IL1RAPL1: variants seen among roughly 807,000 people sequenced by gnomAD.
IL1RAPL1 encodes the protein interleukin 1 receptor accessory protein like 1, also known as interleukin-1 receptor accessory protein-like 1.
A neutral mutation model predicts 48.4 loss-of-function variants in IL1RAPL1; 3 were observed. The observed-to-expected ratio is 0.06, with a 90% CI of 0.03 to 0.16. IL1RAPL1 has a LOEUF of 0.16. IL1RAPL1 is among the 10% of genes least tolerant of loss of function. The pLI is 1.00. For synonymous variants in IL1RAPL1, 185 were observed against 187.7 expected (o/e 0.99, Z 0.12); for missense variants, 349 against 530.6 (o/e 0.66, Z 3.36).
chrX:29,720,189 G>T (rs1927599947), intron 6 of IL1RAPL1, among the ~76,000 whole-genome samples: 1 of 111,751 alleles, frequency 8.9e-6, no homozygotes, highest in Non-Finnish European at 1.9e-5. Flanking sequence ...GTGGAAGACA[G>T]TGTGGCGATT....
chrX:29,299,884 G>A, intron 3 of IL1RAPL1, among the ~76,000 whole-genome samples: 1 of 112,135 alleles, frequency 8.9e-6, no homozygotes, highest in Non-Finnish European at 1.9e-5. Context: ...AGTAATGCGG[G>A]TGTGTCCTTC....
intron 6 of IL1RAPL1, among the ~76,000 whole-genome samples, chrX:29,708,672 A>G (rs1196935659): frequency 8.9e-6 from 1 of 112,383 alleles, no homozygotes; most frequent in Non-Finnish European, 1.9e-5. Flanking sequence ...TAATGCTGAA[A>G]TAAACATGGG....
intron 6 of IL1RAPL1, among the ~76,000 whole-genome samples, chrX:29,679,079 A>G (rs1191019376): frequency 7.2e-5 from 8 of 111,445 alleles, no homozygotes; most frequent in Non-Finnish European, 1.3e-4. Flanking sequence ...AGTAGGAAAA[A>G]AGCAAAGCAG....
intron 6 of IL1RAPL1, among the ~76,000 whole-genome samples, chrX:29,723,952 T>C (rs1927709908): frequency 9.1e-6 from 1 of 110,452 alleles, no homozygotes; most frequent in South Asian, 4.0e-4. Flanking sequence ...GTAGCTGGGA[T>C]TACAGATGTG....
chrX:28,712,383 C>T, intron 1 of IL1RAPL1, among the ~76,000 whole-genome samples: 1 of 110,165 alleles, frequency 9.1e-6, no homozygotes, highest in East Asian at 2.8e-4. Flanking sequence ...TCTCACTCCA[C>T]CCAATTCCCC....
intron 6 of IL1RAPL1, among the ~76,000 whole-genome samples, chrX:29,885,932 G>C (rs756944692): frequency 8.9e-6 from 1 of 112,201 alleles, no homozygotes; most frequent in East Asian, 2.8e-4. Flanking sequence ...ATTTGAAGGA[G>C]ATTTTTTACA....
chrX:29,293,393 A>G (rs919047353), intron 3 of IL1RAPL1, among the ~76,000 whole-genome samples: 31 of 110,345 alleles, frequency 2.8e-4, no homozygotes, highest in African/African-American at 1.0e-3. Context: ...ACCAAGTCCT[A>G]TAGGAGAGAC....
At chrX:28,991,797 A>T (rs1346546356) in intron 2 of IL1RAPL1, among the ~76,000 whole-genome samples, 1 of 112,538 alleles carries the variant, frequency 8.9e-6, no homozygotes, top group Non-Finnish European at 1.9e-5. Flanking sequence ...TATTATATGG[A>T]TGCATACCAT....
intron 1 of IL1RAPL1, among the ~76,000 whole-genome samples, chrX:28,723,380 T>C (rs1935617686): frequency 8.9e-6 from 1 of 111,785 alleles, no homozygotes; most frequent in Non-Finnish European, 1.9e-5. Flanking sequence ...CTTATTTGCA[T>C]AGAGGTGTTT....
intron 2 of IL1RAPL1, among the ~76,000 whole-genome samples, chrX:28,857,122 C>G (rs936762355): frequency 1.8e-5 from 2 of 112,144 alleles, no homozygotes; most frequent in African/African-American, 6.5e-5. Flanking sequence ...CATTCCCTTA[C>G]GCCAAAGCCT....
At chrX:28,651,132 G>A (rs1333953250) in intron 1 of IL1RAPL1, among the ~76,000 whole-genome samples, 1 of 111,899 alleles carries the variant, frequency 8.9e-6, no homozygotes, top group Non-Finnish European at 1.9e-5. Flanking sequence ...GAAACATAAA[G>A]GAATTTCTTC....
intron 1 of IL1RAPL1, among the ~76,000 whole-genome samples, chrX:28,746,351 G>T (rs1935978011): frequency 9.0e-6 from 1 of 111,720 alleles, no homozygotes; most frequent in African/African-American, 3.3e-5. Flanking sequence ...TAACCAGTGG[G>T]TAGTAAACTT....
intron 2 of IL1RAPL1, among the ~76,000 whole-genome samples, chrX:29,251,852 G>A (rs1460494046): frequency 1.8e-5 from 2 of 111,031 alleles, no homozygotes; most frequent in Middle Eastern, 4.2e-3. Flanking sequence ...ACATGTATAC[G>A]ATATTGTGGT....
chrX:28,926,461 C>A (rs1187683886), intron 2 of IL1RAPL1, among the ~76,000 whole-genome samples: 1 of 109,475 alleles, frequency 9.1e-6, no homozygotes, highest in Non-Finnish European at 1.9e-5. Flanking sequence ...TGATATGGCA[C>A]TGTACATTCC....
chrX:29,509,687 G>GCA (rs34490752), intron 5 of IL1RAPL1, among the ~76,000 whole-genome samples: 308 of 109,505 alleles, frequency 2.8e-3, no homozygotes, highest in Non-Finnish European at 5.3e-3. Flanking sequence ...GCGCCCACAC[G>GCA]CACACACACA....
At chrX:29,468,823 A>C (rs1257869199) in intron 5 of IL1RAPL1, among the ~76,000 whole-genome samples, 1 of 111,755 alleles carries the variant, frequency 8.9e-6, no homozygotes, top group African/African-American at 3.3e-5. Flanking sequence ...TCTCTCTTAT[A>C]ATTTTCCCAA....
chrX:29,647,221 G>A (rs1429074837), intron 5 of IL1RAPL1, among the ~76,000 whole-genome samples: 2 of 110,093 alleles, frequency 1.8e-5, no homozygotes, highest in East Asian at 2.9e-4. Context: ...GTGGTGGCAC[G>A]CGACTGTAGT....
intron 2 of IL1RAPL1, among the ~76,000 whole-genome samples, chrX:29,047,942 G>A (rs964443827): frequency 9.1e-5 from 10 of 110,252 alleles, no homozygotes; most frequent in Non-Finnish European, 1.9e-4. Flanking sequence ...TTCTTTTGAC[G>A]TATGCATTAC....
chrX:29,789,526 T>C (rs1929580665), intron 6 of IL1RAPL1, among the ~76,000 whole-genome samples: 1 of 111,988 alleles, frequency 8.9e-6, no homozygotes. Context: ...CACTGGAAAA[T>C]AGAAAAAAAT....
Sources: gnomAD v4.1 joint callset for allele counts (sites outside exome capture counted in the v4.1 genomes callset) on GRCh38, gnomAD v4.1.1 for gene constraint, MANE v1.5 for transcripts, NCBI Gene and HGNC (gene_info 2026-07-23, HGNC 2026-07-21) for gene names.